The following SOS2 variants were observed in gnomAD, a reference collection of about 807,000 sequenced individuals.
The protein encoded by SOS2 is son of sevenless homolog 2.
Under a neutral mutation model 148.2 loss-of-function variants are expected in SOS2, and 65 were observed. That is an observed-to-expected ratio of 0.44 (90% confidence interval 0.36 to 0.54). The LOEUF (loss-of-function observed/expected upper bound fraction) is 0.54. Ranked by LOEUF, SOS2 falls within the 20% of genes least tolerant of loss-of-function variation. SOS2 has a pLI of 0.00. For missense variants in SOS2, 1,341 were observed against 1,590.2 expected (o/e 0.84, Z 2.67); for synonymous variants, 539 against 537.1 (o/e 1.00, Z -0.05).
Position 50,129,999 on chromosome 14 carries a change from C to T in SOS2, c.3341G>A (p.Ser1114Asn). 1 of 1,586,920 alleles carries T rather than the reference C, an allele frequency of 6.3e-7. No homozygotes were observed. The change falls in exon 21 of 23, where the codon AGC becomes AAC. Residue 1114 changes from serine to asparagine, a missense_variant. Ser to Asn is a conservative substitution (Grantham distance 46). This residue lies in a region of SOS2 where 354 missense variants were observed against 347.7 expected (regional missense o/e 1.02). Coordinates refer to ENST00000216373, the MANE Select transcript of SOS2 (RefSeq NM_006939.4). The part of the protein sequence containing the change: ...LDVDLNSSCG[S>N]NSIFAPVLLP... The stretch of plus-strand genomic sequence containing the variant: ...AAGCACTGGAGCAAAGATGCTATTG[C>T]TGCCTATTGGAATAAGAAAAATTAA...
chr14:50,163,416 C>T (rs76257675), intron 8 of SOS2, among the ~76,000 whole-genome samples: 2,196 of 152,132 alleles, frequency 0.014, 16 homozygotes, highest in Non-Finnish European at 0.022. Context: ...TGTCCATTAC[C>T]TTTTATTTAT....
At position 50,174,539 on chromosome 14, in the gene SOS2, C is replaced by T. The variant is rs1359146930; in HGVS notation, c.983G>A (p.Gly328Asp). ...GACATAACGAACTGCCTCTTTAAAA[C>T]CATCAGCAATGGACTGCAAAGCAAA... ...VALHFQSIAD[G>D]FKEAVRYVLP... The change falls in exon 8 of 23, where the codon GGT becomes GAT. Residue 328 changes from glycine (G) to aspartate (D), a missense_variant. Physicochemically the swap from Gly to Asp is moderately conservative, Grantham distance 94 (BLOSUM62 -1). This residue lies in a region of SOS2 where 574 missense variants were observed against 711.1 expected (regional missense o/e 0.81). Transcript: ENST00000216373. The T allele has an allele frequency of 6.2e-7, 1 of 1,607,600 alleles. No individual in the cohort carries two copies. Among genetic ancestry groups the T allele is most frequent in the Non-Finnish European group, 8.5e-7 (1 of 1,175,552 alleles).
At chr14:50,154,250 G>A (rs2139607941) in intron 12 of SOS2, among the ~76,000 whole-genome samples, 1 of 152,246 alleles carries the variant, frequency 6.6e-6, no homozygotes, top group Non-Finnish European at 1.5e-5. Context: ...AAAGAGACAA[G>A]TATCTCAACA....
intron 1 of SOS2, among the ~76,000 whole-genome samples, chr14:50,213,270 A>G (rs537195036): frequency 1.3e-5 from 2 of 152,338 alleles, no homozygotes; most frequent in Non-Finnish European, 2.9e-5. Flanking sequence ...AAATCTTGAT[A>G]GGATATTTAG....
intron 8 of SOS2, among the ~76,000 whole-genome samples, chr14:50,167,047 A>G (rs1374746046): frequency 1.3e-5 from 2 of 152,144 alleles, no homozygotes; most frequent in Non-Finnish European, 2.9e-5. Flanking sequence ...CTCTCTAAAA[A>G]GAAATAACCT....
intron 8 of SOS2, among the ~76,000 whole-genome samples, chr14:50,169,719 T>C (rs1250334337): frequency 6.6e-6 from 1 of 152,156 alleles, no homozygotes; most frequent in Non-Finnish European, 1.5e-5. Context: ...GGAATAATGT[T>C]ATATTATTGT....
At chr14:50,149,746 G>GT (rs1323608245) in intron 14 of SOS2, among the ~76,000 whole-genome samples, 3 of 152,274 alleles carry the variant, frequency 2.0e-5, no homozygotes, top group Admixed American at 1.3e-4. Context: ...AGGTGAGAAG[G>GT]TATTAGGAGT....
In SOS2 at chr14:50,118,394, G is replaced by C; in HGVS notation, c.3949C>G (p.Pro1317Ala). 1 of 1,614,142 alleles carries C rather than the reference G, an allele frequency of 6.2e-7. No homozygotes were observed. Among genetic ancestry groups the C allele is most frequent in the Non-Finnish European group, 8.5e-7 (1 of 1,180,002 alleles). ...AGCAAAGGCAGTCTGTACAATGGGG[G>C]GTGCGAAAGCTCCCGTTTGTAAGTC... ...PKTYKRELSH[P>A]PLYRLPLLEN... Residue 1317 changes from proline (P) to alanine (A), a missense_variant, in exon 23 of 23, where the codon CCC becomes GCC. Physicochemically the swap from Pro to Ala is conservative, Grantham distance 27 (BLOSUM62 -1). Transcript: ENST00000216373.
Position 50,202,765 on chromosome 14 carries a change from T to C in SOS2, c.213+1519A>G, listed in dbSNP as rs558639128. On this transcript the variant is annotated intron_variant, in intron 2 of 22. Coordinates refer to ENST00000216373, the MANE Select transcript of SOS2 (RefSeq NM_006939.4). ...ACAAAACACAACAAAACCCAAACAA[T>C]TGGCAGCAGAGAACAGGGGAAAAAA... Among the ~76,000 whole-genome samples the C allele has an allele frequency of 2.4e-4, 37 of 151,690 alleles. No individual in the cohort carries two copies. The South Asian group carries it at 7.3e-3, about 30-fold the overall frequency.
At position 50,180,609 on chromosome 14, in the gene SOS2, T is replaced by G. The variant is rs2139702224; in HGVS notation, c.932A>C (p.Lys311Thr). 6.3e-7 allele frequency: 1 copy of G among 1,598,612 alleles called. No homozygotes were observed. Among genetic ancestry groups the G allele is most frequent in the East Asian group, 2.3e-5 (1 of 44,390 alleles). Residue 311 changes from lysine to threonine, a missense_variant, in exon 7 of 23, where the codon AAA (lysine) becomes ACA (threonine). Transcript: ENST00000216373. ...AGCAACTGCAGGTCTGGCCATCAAT[T>G]TATTGAAATGTTCATGAAACTCTGG... ...LSPEFHEHFNKLMARPAVALH... is the reference protein window; with the variant it reads ...LSPEFHEHFNTLMARPAVALH...
chr14:50,213,786 A>T lies in SOS2; in HGVS notation c.88-9377T>A, dbSNP rs1313008606. On this transcript the variant is annotated intron_variant, in intron 1 of 22. Coordinates refer to ENST00000216373, the MANE Select transcript of SOS2 (RefSeq NM_006939.4). ...TTTGAAGTGGGGGAAGAGAAAGTGG[A>T]AAGTGTGTGTGTGGTTGGAGGGGAA... 2.0e-5 allele frequency among the ~76,000 whole-genome samples: 3 copies of T among 151,876 alleles called. No individual in the cohort carries two copies. In the East Asian group the frequency reaches 5.8e-4, roughly 29 times the overall value.
At chr14:50,220,636 T>A (rs1014615208) in intron 1 of SOS2, among the ~76,000 whole-genome samples, 2 of 152,114 alleles carry the variant, frequency 1.3e-5, no homozygotes, top group African/African-American at 4.8e-5. Flanking sequence ...CGTTTCTCTA[T>A]TCCTCCCACT....
chr14:50,186,616 T>C (rs971166016), intron 5 of SOS2, among the ~76,000 whole-genome samples: 35 of 138,886 alleles, frequency 2.5e-4, no homozygotes, highest in Non-Finnish European at 4.4e-4. Flanking sequence ...CCCCCATCTA[T>C]ATTTAAAAAA....
At chr14:50,231,064 G>GC (rs1194446630) in intron 1 of SOS2, 133 bp downstream of exon 1, 2 of 559,436 alleles carry the variant, frequency 3.6e-6, no homozygotes, top group Non-Finnish European at 5.3e-6. Flanking sequence ...GCAATTGTGA[G>GC]CCCCCCATTG....
chr14:50,174,261 A>G (rs1432947808), intron 8 of SOS2, among the ~76,000 whole-genome samples, 193 bp downstream of exon 8: 1 of 152,220 alleles, frequency 6.6e-6, no homozygotes, highest in Non-Finnish European at 1.5e-5. Flanking sequence ...ACAGAAAAAA[A>G]TATTAACTTC....
In SOS2 at chr14:50,152,545, TCTC is replaced by T. The variant is rs1347775261; in HGVS notation, c.2161+522_2161+524del. Reference sequence around the variant, plus strand: ...CTTTCGACTTCTTTAAAAGAAATATTCTCCTCAAAAACTTGAAAAGGCAAAGTT... The same window carrying T: ...CTTTCGACTTCTTTAAAAGAAATATTCTCAAAAACTTGAAAAGGCAAAGTT... On this transcript the variant is annotated intron_variant, in intron 13 of 22. Coordinates refer to ENST00000216373, the MANE Select transcript of SOS2 (RefSeq NM_006939.4). Among the ~76,000 whole-genome samples the T allele has an allele frequency of 3.3e-5, 5 of 152,180 alleles. No individual in the cohort carries two copies. The East Asian group carries it at 9.6e-4, about 29-fold the overall frequency.
rs1391954291 is a variant in SOS2 at position 50,215,421 on chromosome 14, T to C, written c.88-11012A>G. ...TCAAGAGGACAATGGAAGAGAACCATGCTTTACACTTCTACAGAGACAGTA... is the reference window on the plus strand; with the variant it reads ...TCAAGAGGACAATGGAAGAGAACCACGCTTTACACTTCTACAGAGACAGTA... On this transcript the variant is annotated intron_variant, in intron 1 of 22. Coordinates refer to ENST00000216373, the MANE Select transcript of SOS2 (RefSeq NM_006939.4). 8 of 1,283,468 alleles carry C rather than the reference T, an allele frequency of 6.2e-6. No homozygotes were observed. The African/African-American group carries it at 7.6e-5, about 12-fold the overall frequency. The allele number at this position is 1,283,468 out of a possible 1,614,324, so 79.5% of individuals were successfully genotyped here.
intron 1 of SOS2, among the ~76,000 whole-genome samples, chr14:50,207,890 G>A (rs1204769716): frequency 2.2e-5 from 3 of 139,276 alleles, no homozygotes; most frequent in Non-Finnish European, 3.0e-5. Context: ...GACTGAGCGA[G>A]ACTCCATCTC....
intron 4 of SOS2, among the ~76,000 whole-genome samples, chr14:50,196,842 C>G (rs973315447): frequency 2.0e-5 from 3 of 151,946 alleles, no homozygotes; most frequent in African/African-American, 7.3e-5. Context: ...CAAGCTAGGG[C>G]TCCTAATAAC....
Sources: allele counts gnomAD v4.1 joint callset (sites outside exome capture counted in the v4.1 genomes callset), GRCh38; gene constraint gnomAD v4.1.1; regional missense constraint gnomAD v4.1.1; transcripts MANE v1.5; gene names NCBI Gene and HGNC (gene_info 2026-07-23, HGNC 2026-07-21).